SLC17A1: variants seen among roughly 807,000 people sequenced by gnomAD.
SLC17A1 encodes the protein solute carrier family 17 member 1.
Under a neutral mutation model 53.5 loss-of-function variants are expected in SLC17A1, and 51 were observed. The ratio of observed to expected loss-of-function variants is 0.95; its 90% CI spans 0.76 to 1.20. The LOEUF is 1.20. Ranked by LOEUF, SLC17A1 falls within the 50% of genes most tolerant of loss-of-function variation. The probability of loss-of-function intolerance (pLI) is 0.00; values close to 1 mark genes in which losing one functional copy is unlikely to be tolerated. For synonymous variants in SLC17A1, 179 were observed against 198.8 expected (o/e 0.90, Z 0.84); for missense variants, 538 against 568.2 (o/e 0.95, Z 0.54).
chr6:25,815,993 A>C (rs1764341836), intron 6 of SLC17A1, among the ~76,000 whole-genome samples: 1 of 150,236 alleles, frequency 6.7e-6, no homozygotes, highest in South Asian at 2.1e-4. Flanking sequence ...TCCCTTCCCC[A>C]AGCTAGCTTT....
At chr6:25,778,934 C>A, downstream of SLC17A1, 1 of 1,287,102 alleles carries the variant, frequency 7.8e-7, no homozygotes, top group Non-Finnish European at 1.1e-6. Context: ...AACTGGGAAG[C>A]CCATGGAAGC....
intron 3 of SLC17A1, among the ~76,000 whole-genome samples, 166 bp from the exon 4 acceptor site, chr6:25,820,081 C>A (rs1020683318): frequency 6.6e-6 from 1 of 152,156 alleles, no homozygotes; most frequent in Non-Finnish European, 1.5e-5. Context: ...ACACCATTTT[C>A]TGTACATATT....
At chr6:25,727,450 G>A in the SLC17A1 span, among the ~76,000 whole-genome samples, 3 of 149,378 alleles carry the variant, frequency 2.0e-5, no homozygotes, top group Non-Finnish European at 3.0e-5. Flanking sequence ...GGAGTGCAGT[G>A]GCGGAATCTC....
chr6:25,825,379 C>T (rs1276979360), intron 3 of SLC17A1, among the ~76,000 whole-genome samples: 1 of 151,560 alleles, frequency 6.6e-6, no homozygotes, highest in Non-Finnish European at 1.5e-5. Flanking sequence ...TGAAATTTTA[C>T]AGTCTTTCAG....
chr6:25,784,947 T>C (rs1179958084), intron 12 of SLC17A1, among the ~76,000 whole-genome samples: 1 of 152,064 alleles, frequency 6.6e-6, no homozygotes, highest in Non-Finnish European at 1.5e-5. Context: ...AAAAGGAAAC[T>C]AGATTGGAAA....
At chr6:25,741,683 T>G in the SLC17A1 span, among the ~76,000 whole-genome samples, 3 of 151,416 alleles carry the variant, frequency 2.0e-5, no homozygotes, top group African/African-American at 7.3e-5. Flanking sequence ...TCCACTGCAC[T>G]CCAGTCTGGG....
the SLC17A1 span, among the ~76,000 whole-genome samples, chr6:25,766,152 G>C: frequency 6.7e-6 from 1 of 148,630 alleles, no homozygotes; most frequent in African/African-American, 2.4e-5. Flanking sequence ...TAATTTTATA[G>C]AAATTATTAT....
intron 10 of SLC17A1, among the ~76,000 whole-genome samples, chr6:25,804,729 T>G (rs896829660): frequency 6.6e-6 from 1 of 151,622 alleles, no homozygotes; most frequent in Non-Finnish European, 1.5e-5. Flanking sequence ...TGAGCAGGAG[T>G]AGCTATTCTT....
At chr6:25,808,893 G>A (rs1764051539) in intron 10 of SLC17A1, among the ~76,000 whole-genome samples, 1 of 151,994 alleles carries the variant, frequency 6.6e-6, no homozygotes. Flanking sequence ...CTGCAATTCT[G>A]TTACTGGGTG....
At chr6:25,829,244 C>A (rs895860906) in intron 2 of SLC17A1, among the ~76,000 whole-genome samples, 2 of 152,150 alleles carry the variant, frequency 1.3e-5, no homozygotes, top group South Asian at 2.1e-4. Flanking sequence ...TAGTAGGAGA[C>A]CCTCTCCTAA....
At chr6:25,819,046 G>C (rs1415399816) in intron 6 of SLC17A1, 22 bp downstream of exon 6, 2 of 1,504,272 alleles carry the variant, frequency 1.3e-6, no homozygotes, top group Admixed American at 4.4e-5. Flanking sequence ...TAATAACTAG[G>C]ATTTTACAGA....
chr6:25,771,060 G>C, the SLC17A1 span: 6 of 1,439,498 alleles, frequency 4.2e-6, no homozygotes, highest in Non-Finnish European at 5.9e-6. Flanking sequence ...AGACTTCTGT[G>C]ATGCAATTTA....
chr6:25,801,262 A>G (rs1763750202), intron 10 of SLC17A1, among the ~76,000 whole-genome samples: 2 of 152,212 alleles, frequency 1.3e-5, no homozygotes, highest in Admixed American at 1.3e-4. Context: ...TGTAAGTTCC[A>G]TTGAGAAATT....
the SLC17A1 span, among the ~76,000 whole-genome samples, chr6:25,763,770 C>T: frequency 6.6e-6 from 1 of 152,196 alleles, no homozygotes. Flanking sequence ...AGTAGTTTTT[C>T]TCTATCAGTG....
At chr6:25,747,481 C>A in the SLC17A1 span, among the ~76,000 whole-genome samples, 1 of 152,330 alleles carries the variant, frequency 6.6e-6, no homozygotes, top group South Asian at 2.1e-4. Flanking sequence ...ACAAATAACA[C>A]TACACCTCCA....
At chr6:25,811,309 C>G in intron 10 of SLC17A1, 89 bp downstream of exon 10, 1 of 1,355,294 alleles carries the variant, frequency 7.4e-7, no homozygotes, top group Non-Finnish European at 1.0e-6. Context: ...CACAAAGTAT[C>G]CATATTTTAA....
At chr6:25,772,177 A>G in the SLC17A1 span, among the ~76,000 whole-genome samples, 1 of 152,222 alleles carries the variant, frequency 6.6e-6, no homozygotes, top group African/African-American at 2.4e-5. Flanking sequence ...AGGGCAGGTT[A>G]CAAAAATTAT....
At chr6:25,811,855 T>G (rs1764170862) in intron 8 of SLC17A1, 85 bp from the exon 9 acceptor site, 1 of 1,412,462 alleles carries the variant, frequency 7.1e-7, no homozygotes, top group Admixed American at 1.8e-5. Flanking sequence ...TAAAATTTAT[T>G]ATCTAAAATG....
At chr6:25,750,093 C>A in the SLC17A1 span, among the ~76,000 whole-genome samples, 1 of 152,144 alleles carries the variant, frequency 6.6e-6, no homozygotes, top group Non-Finnish European at 1.5e-5. Flanking sequence ...TAGGGTGTTG[C>A]CATAGATTAA....
Sources: gnomAD v4.1 joint callset for allele counts (sites outside exome capture counted in the v4.1 genomes callset) on GRCh38, gnomAD v4.1.1 for gene constraint, MANE v1.5 for transcripts, NCBI Gene and HGNC (gene_info 2026-07-23, HGNC 2026-07-21) for gene names.